The following MYO5B variants were observed in gnomAD, a reference collection of about 807,000 sequenced individuals.
The protein encoded by MYO5B is unconventional myosin-Vb.
A neutral mutation model predicts 229.3 loss-of-function variants in MYO5B; 143 were observed. That is an observed-to-expected ratio of 0.62 (90% CI 0.54 to 0.72). The LOEUF (loss-of-function observed/expected upper bound fraction) is 0.72. Ranked by LOEUF, MYO5B falls within the 30% of genes least tolerant of loss-of-function variation. The pLI, the probability that MYO5B is intolerant of heterozygous loss-of-function variation, is 0.00. For missense variants in MYO5B, 2,321 were observed against 2,331.0 expected, an observed-to-expected ratio of 1.00 and a Z score of 0.09; for synonymous variants, 918 against 885.2, an observed-to-expected ratio of 1.04 and a Z score of -0.66.
intron 1 of MYO5B, among the ~76,000 whole-genome samples, chr18:50,082,160 A>T (rs572359105): frequency 1.3e-5 from 2 of 152,344 alleles, no homozygotes; most frequent in East Asian, 3.9e-4. Flanking sequence ...CAATGGTACC[A>T]AGGGCTGGAG....
intron 1 of MYO5B, among the ~76,000 whole-genome samples, chr18:50,146,442 T>C (rs749918530): frequency 6.6e-6 from 1 of 152,200 alleles, no homozygotes; most frequent in Non-Finnish European, 1.5e-5. Flanking sequence ...GCAGCTTCAA[T>C]TCAGTGCAGT....
In MYO5B at chr18:49,856,241, C is replaced by T. The variant is rs115257270; in HGVS notation, c.4022+572G>A. ...ACCCTCCGGGCTTCAGTGTCCCCAC[C>T]CCATGAAGGTGCTGTGAGGCCAGAT... On this transcript the variant is annotated intron_variant, in intron 30 of 39. Transcript: ENST00000285039. 6.1e-3 allele frequency among the ~76,000 whole-genome samples: 922 copies of T among 152,322 alleles called. 12 individuals carry two copies. Among genetic ancestry groups the T allele is most frequent in the African/African-American group, 0.021 (880 of 41,570 alleles).
At position 50,194,988 on chromosome 18, in the gene MYO5B, G is replaced by A. The variant is rs544058122; in HGVS notation, c.-195C>T. The A allele has an allele frequency of 1.6e-4, 117 of 727,508 alleles. 1 individual carries two copies. The African/African-American group carries it at 1.9e-3, about 12-fold the overall frequency. 45.1% of individuals were successfully genotyped at this position (727,508 alleles called of 1,614,324 possible). On this transcript the variant is annotated 5_prime_UTR_variant, in exon 1 of 40. Coordinates refer to ENST00000285039, the MANE Select transcript of MYO5B (RefSeq NM_001080467.3). ...TCCCGGCGGCGCGACCTTTACTCCC[G>A]CCGCGGCGGCGCAGCTACGGCCGGA...
At chr18:49,968,041 A>C (rs2025646276) in intron 10 of MYO5B, among the ~76,000 whole-genome samples, 1 of 152,190 alleles carries the variant, frequency 6.6e-6, no homozygotes, top group African/African-American at 2.4e-5. Flanking sequence ...ATCCTCTCCC[A>C]ACCTAACAGC....
chr18:50,178,145 T>C (rs1049143378), intron 1 of MYO5B, among the ~76,000 whole-genome samples: 23 of 152,170 alleles, frequency 1.5e-4, no homozygotes, highest in Non-Finnish European at 2.9e-5. Context: ...AAGACATCTC[T>C]GCTGTGGGGA....
At chr18:50,133,604 C>T (rs1485661387) in intron 1 of MYO5B, among the ~76,000 whole-genome samples, 1 of 152,188 alleles carries the variant, frequency 6.6e-6, no homozygotes, top group African/African-American at 2.4e-5. Flanking sequence ...GTCTGTCTGT[C>T]TGTCCCCCCA....
At chr18:49,930,759 G>A (rs1031313246) in intron 16 of MYO5B, among the ~76,000 whole-genome samples, 4 of 152,074 alleles carry the variant, frequency 2.6e-5, no homozygotes, top group African/African-American at 9.7e-5. Context: ...GGGCGTGGTG[G>A]TGGGTGCCTG....
rs182361673 is a variant in MYO5B, at chr18:49,902,611, G to A, written c.2794C>T (p.Arg932Trp). The A allele has an allele frequency of 2.7e-5, 43 of 1,612,630 alleles. 1 individual carries two copies. The highest frequency in any genetic ancestry group is 7.7e-5 in the South Asian group (7 of 91,066). ...ACACTGACCTGCTCATCGATCTTCC[G>A]CTGCAGCTGGACCACCTTGTTCTCC... ...GMENKVVQLQ[R>W]KIDEQNKEFK... The change falls in exon 21 of 40, where the codon CGG becomes TGG. Residue 932 changes from arginine to tryptophan, a missense_variant. Arg to Trp is a moderately radical substitution (Grantham distance 101). Coordinates refer to ENST00000285039, the MANE Select transcript of MYO5B (RefSeq NM_001080467.3).
intron 2 of MYO5B, among the ~76,000 whole-genome samples, chr18:50,052,974 G>T (rs72915717): frequency 6.6e-6 from 1 of 152,070 alleles, no homozygotes; most frequent in Non-Finnish European, 1.5e-5. Flanking sequence ...TGAACTTCAG[G>T]GGGAGGGAGG....
chr18:50,109,096 G>C (rs7235513), intron 1 of MYO5B, among the ~76,000 whole-genome samples: 1 of 151,954 alleles, frequency 6.6e-6, no homozygotes, highest in African/African-American at 2.4e-5. Flanking sequence ...CTATCTTCCC[G>C]TCCCACCACT....
intron 1 of MYO5B, among the ~76,000 whole-genome samples, chr18:50,166,811 TTACAAC>T (rs1265394446): frequency 1.3e-5 from 2 of 152,106 alleles, no homozygotes; most frequent in African/African-American, 2.4e-5. Context: ...GAAGGGGGAA[TTACAAC>T]TACTTTTCCC....
In MYO5B at chr18:49,899,422, C is replaced by T. The variant is rs534498366; in HGVS notation, c.2811+3172G>A. On this transcript the variant is annotated intron_variant, in intron 21 of 39. Transcript: ENST00000285039. ...CACACTCCCCACTTTAAATGCCAGC[C>T]GGTCCCAAGCAAGGACAATGCTATC... Among the ~76,000 whole-genome samples, 16 of 152,274 alleles carry T rather than the reference C, an allele frequency of 1.1e-4. No homozygotes were observed. The East Asian group carries it at 2.1e-3, about 20-fold the overall frequency.
At chr18:49,902,891 G>T in intron 20 of MYO5B, 58 bp from the exon 21 acceptor site, 1 of 1,584,156 alleles carries the variant, frequency 6.3e-7, no homozygotes, top group Non-Finnish European at 8.5e-7. Context: ...AGGAGTGAAG[G>T]AAGCATACAT....
At chr18:50,090,809 C>T (rs1340863481) in intron 1 of MYO5B, among the ~76,000 whole-genome samples, 1 of 152,194 alleles carries the variant, frequency 6.6e-6, no homozygotes, top group Non-Finnish European at 1.5e-5. Flanking sequence ...TGTATCACCA[C>T]TTTCCCTACA....
At chr18:49,904,972 C>A (rs1282644956) in intron 19 of MYO5B, 144 bp from the exon 20 acceptor site, 6 of 959,600 alleles carry the variant, frequency 6.3e-6, no homozygotes, top group Non-Finnish European at 9.6e-6. Context: ...TCTCTTCACC[C>A]CTAACAAATG....
intron 1 of MYO5B, among the ~76,000 whole-genome samples, chr18:50,110,381 C>T (rs1048165272): frequency 6.6e-6 from 1 of 152,178 alleles, no homozygotes; most frequent in African/African-American, 2.4e-5. Context: ...CCCTCATTTG[C>T]TCCAGGTATG....
intron 1 of MYO5B, among the ~76,000 whole-genome samples, chr18:50,104,288 A>ATATC (rs1555659365): frequency 1.4e-5 from 2 of 144,762 alleles, no homozygotes; most frequent in African/African-American, 2.6e-5. Context: ...ATATATATAT[A>ATATC]TATCTCATAA....
rs1489309204 is a variant in MYO5B at position 49,953,309 on chromosome 18, T to C, written c.1703A>G (p.Asn568Ser). 6.2e-7 allele frequency: 1 copy of C among 1,613,920 alleles called. No homozygotes were observed. Among genetic ancestry groups the C allele is most frequent in the East Asian group, 2.2e-5 (1 of 44,882 alleles). The change falls in exon 14 of 40, where the codon AAC (asparagine) becomes AGC (serine). Residue 568 changes from asparagine (N) to serine (S), a missense_variant. Asn to Ser is a conservative substitution (Grantham distance 46). This residue lies in a region of MYO5B where 2,113 missense variants were observed against 2,044.7 expected (regional missense o/e 1.03). Coordinates refer to ENST00000285039, the MANE Select transcript of MYO5B (RefSeq NM_001080467.3). ...EYLSDGFLEK[N>S]RDTVYEEQIN... ...CTGCTCTTCATACACCGTGTCTCTG[T>C]TTTTCTCCAGAAAACCATCAGAGAG...
Position 49,837,604 on chromosome 18 carries a change from T to C in MYO5B, c.5051A>G (p.Gln1684Arg). 6.2e-7 allele frequency: 1 copy of C among 1,613,982 alleles called. No individual in the cohort carries two copies. The highest frequency in any genetic ancestry group is 1.1e-5 in the South Asian group (1 of 91,072). The change falls in exon 37 of 40, where the codon CAG becomes CGG. Residue 1684 changes from glutamine to arginine, a missense_variant. Gln to Arg is a conservative substitution (Grantham distance 43). Around this residue, in one of 2 missense-constraint regions of MYO5B, gnomAD observed 208 missense variants for 286.3 expected, o/e 0.73. Coordinates refer to ENST00000285039, the MANE Select transcript of MYO5B (RefSeq NM_001080467.3). Reference sequence around the variant, plus strand: ...CACTGCGTTGATCATGTAGAAGAGCTGTTTGAATACCTGCAGGATGATCTC... The same window carrying C: ...CACTGCGTTGATCATGTAGAAGAGCCGTTTGAATACCTGCAGGATGATCTC... ...DPEIILQVFKQLFYMINAVTL... is the reference protein window; with the variant it reads ...DPEIILQVFKRLFYMINAVTL...
Sources: gnomAD v4.1 joint callset for allele counts (sites outside exome capture counted in the v4.1 genomes callset) on GRCh38, gnomAD v4.1.1 for gene constraint, gnomAD v4.1.1 regional missense constraint, MANE v1.5 for transcripts, NCBI Gene and HGNC (gene_info 2026-07-23, HGNC 2026-07-21) for gene names.